The following CHD1 variants were observed in gnomAD, a reference collection of about 807,000 sequenced individuals.
CHD1 encodes ATP-dependent chromatin remodeler CHD1.
In CHD1, 36 loss-of-function variants were observed where a neutral mutation model predicts 224.2. The observed-to-expected ratio is 0.16, with a 90% CI of 0.12 to 0.21. The LOEUF is 0.21. Ranked by LOEUF, CHD1 falls within the 10% of genes least tolerant of loss-of-function variation. CHD1 has a pLI of 1.00. For synonymous variants in CHD1, 668 were observed against 658.3 expected, an observed-to-expected ratio of 1.01 and a Z score of -0.23; for missense variants, 1,378 against 1,994.8, an observed-to-expected ratio of 0.69 and a Z score of 5.89.
intron 28 of CHD1, 57 bp from the exon 29 acceptor site, chr5:98,870,860 T>A: frequency 9.4e-7 from 1 of 1,063,060 alleles, no homozygotes; most frequent in East Asian, 2.4e-5. Flanking sequence ...AGAAATGTAC[T>A]GGCTAAAAAA....
chr5:98,862,538 T>A (rs1309850199), intron 32 of CHD1, among the ~76,000 whole-genome samples: 1 of 152,222 alleles, frequency 6.6e-6, no homozygotes, highest in Admixed American at 6.5e-5. Context: ...ACTGTGTAAC[T>A]TTTTTTATTT....
intron 4 of CHD1, 86 bp downstream of exon 4, chr5:98,903,703 CTTA>C: frequency 1.1e-6 from 1 of 909,800 alleles, no homozygotes. Context: ...TTTCAAAGCA[CTTA>C]TTATTTTTAA....
In CHD1 at chr5:98,858,163, G is replaced by C. The variant is rs77597932; in HGVS notation, c.4787+17C>G. On this transcript the variant is annotated intron_variant, in intron 35 of 35. Coordinates refer to ENST00000614616, the MANE Select transcript of CHD1 (RefSeq NM_001270.4). ...AACATGCATAAGCAAAATTTCTAAA[G>C]TGACTGCCAAGTTTACCTGCTGTCT... is the stretch of plus-strand genomic sequence containing the variant. The C allele has an allele frequency of 6.2e-6, 10 of 1,607,196 alleles. No homozygotes were observed. The highest frequency in any genetic ancestry group is 7.7e-6 in the Non-Finnish European group (9 of 1,175,220).
chr5:98,893,651 C>T (rs1751162048), intron 13 of CHD1, 45 bp from the exon 14 acceptor site: 1 of 1,204,470 alleles, frequency 8.3e-7, no homozygotes, highest in African/African-American at 1.6e-5. Flanking sequence ...AAACGGAATT[C>T]AAATTTAGCC....
Position 98,901,038 on chromosome 5 carries a change from CTCT to C in CHD1, c.629_631del (p.Lys210del). 1 of 1,607,614 alleles carries C rather than the reference CTCT, an allele frequency of 6.2e-7. No homozygotes were observed. Among genetic ancestry groups the C allele is most frequent in the Non-Finnish European group, 8.5e-7 (1 of 1,178,200 alleles). ...ATCCTCCTCAGATGAATCAATCTGT[CTCT>C]TTTTTTGTCCAAGAATCTTCTTTCC... On this transcript the variant is annotated inframe_deletion, in exon 7 of 36. Transcript: ENST00000614616.
chr5:98,894,243 C>T (rs1402053984), intron 13 of CHD1, among the ~76,000 whole-genome samples: 1 of 152,174 alleles, frequency 6.6e-6, no homozygotes, highest in Non-Finnish European at 1.5e-5. Flanking sequence ...GTAGCTTAAT[C>T]CTGTTAGGTA....
At position 98,882,798 on chromosome 5, in the gene CHD1, T is replaced by G. The variant is rs1357489955; in HGVS notation, c.2718+290A>C. On this transcript the variant is annotated intron_variant, in intron 19 of 35. Coordinates refer to ENST00000614616, the MANE Select transcript of CHD1 (RefSeq NM_001270.4). ...TCCCTTTCAAGTTAAAATAAGCAAG[T>G]AAAGACGTTTTAAAGTTTTTATTAT... is the stretch of plus-strand genomic sequence containing the variant. Among the ~76,000 whole-genome samples the G allele has an allele frequency of 2.6e-5, 4 of 152,134 alleles. No homozygotes were observed. The East Asian group carries it at 7.7e-4, about 29-fold the overall frequency.
At position 98,916,491 on chromosome 5, in the gene CHD1, G is replaced by C. The variant is rs112848684; in HGVS notation, c.53+9843C>G. On this transcript the variant is annotated intron_variant, in intron 2 of 35. Coordinates refer to ENST00000614616, the MANE Select transcript of CHD1 (RefSeq NM_001270.4). ...ACCCGGGAGGCAGAGGTTGTGGTGA[G>C]CCGAGATTGCAACATTGCACTCCAG... Among the ~76,000 whole-genome samples the C allele has an allele frequency of 4.8e-3, 676 of 140,400 alleles. 7 individuals are homozygous for C. The highest frequency in any genetic ancestry group is 0.017 in the African/African-American group (618 of 37,406). The allele number at this position is 140,400 out of a possible 152,430, so 92.1% of individuals were successfully genotyped here.
At chr5:98,868,838 A>T (rs537332295) in intron 30 of CHD1, 1 of 605,842 alleles carries the variant, frequency 1.7e-6, no homozygotes, top group African/African-American at 1.9e-5. Flanking sequence ...TGTTACTCTG[A>T]AGGTAAAGCA....
At chr5:98,856,760 ATG>A in intron 35 of CHD1, 35 bp from the exon 36 acceptor site, 1 of 1,338,710 alleles carries the variant, frequency 7.5e-7, no homozygotes, top group South Asian at 1.3e-5. Context: ...TAGACAAATC[ATG>A]CAAATTAAAA....
intron 35 of CHD1, 35 bp downstream of exon 35, chr5:98,858,145 A>G: frequency 1.9e-6 from 3 of 1,570,546 alleles, no homozygotes; most frequent in Admixed American, 1.7e-5. Flanking sequence ...AAAAACATGC[A>G]TAAGCAAAAT....
At chr5:98,925,573 A>G (rs919597264) in intron 2 of CHD1, among the ~76,000 whole-genome samples, 4 of 152,216 alleles carry the variant, frequency 2.6e-5, no homozygotes, top group Admixed American at 6.5e-5. Context: ...GATAATGCAT[A>G]TAACTACATG....
intron 27 of CHD1, 65 bp downstream of exon 27, chr5:98,872,352 C>A: frequency 6.7e-7 from 1 of 1,500,812 alleles, no homozygotes; most frequent in South Asian, 1.2e-5. Flanking sequence ...CATAAAAATT[C>A]AGCACATTCA....
At chr5:98,916,986 G>C (rs1351309392) in intron 2 of CHD1, among the ~76,000 whole-genome samples, 4 of 152,072 alleles carry the variant, frequency 2.6e-5, no homozygotes, top group Non-Finnish European at 5.9e-5. Context: ...TGTGAAAACA[G>C]TATTACAGAA....
At chr5:98,925,238 C>G (rs1753377754) in intron 2 of CHD1, among the ~76,000 whole-genome samples, 1 of 152,092 alleles carries the variant, frequency 6.6e-6, no homozygotes, top group Non-Finnish European at 1.5e-5. Flanking sequence ...CATGAAGCAT[C>G]TCAATCCTCA....
intron 1 of CHD1, among the ~76,000 whole-genome samples, chr5:98,927,644 C>T (rs1753563900): frequency 6.6e-6 from 1 of 152,156 alleles, no homozygotes; most frequent in South Asian, 2.1e-4. Flanking sequence ...TAATCTCAAC[C>T]CTAGTCAAAG....
chr5:98,867,539 A>G (rs1007026221), intron 31 of CHD1, among the ~76,000 whole-genome samples: 6 of 151,822 alleles, frequency 4.0e-5, no homozygotes, highest in Admixed American at 6.5e-5. Context: ...TTCACCATAA[A>G]TAAGAAGCAC....
chr5:98,908,712 T>A (rs931315313), intron 2 of CHD1, among the ~76,000 whole-genome samples: 1 of 152,150 alleles, frequency 6.6e-6, no homozygotes, highest in African/African-American at 2.4e-5. Context: ...ATCCTTAAAG[T>A]GTATTAAATC....
At chr5:98,888,543 A>G (rs1437308139) in intron 16 of CHD1, among the ~76,000 whole-genome samples, 7 of 152,212 alleles carry the variant, frequency 4.6e-5, no homozygotes, top group African/African-American at 1.7e-4. Flanking sequence ...GCTGAAGAAC[A>G]ATGACATCAG....
Sources: allele counts gnomAD v4.1 joint callset (sites outside exome capture counted in the v4.1 genomes callset), GRCh38; gene constraint gnomAD v4.1.1; transcripts MANE v1.5; gene names NCBI Gene and HGNC (gene_info 2026-07-23, HGNC 2026-07-21).